HTR1F: variants seen among roughly 807,000 people sequenced by gnomAD.
HTR1F encodes the protein 5-hydroxytryptamine (serotonin) receptor 1F, G protein-coupled.
A neutral mutation model predicts 24.0 loss-of-function variants in HTR1F; 17 were observed. The ratio of observed to expected loss-of-function variants is 0.71; its 90% CI spans 0.48 to 1.06. HTR1F has a LOEUF of 1.06. Among genes scored for constraint, HTR1F ranks in the 50% least tolerant of loss-of-function variants. The probability of loss-of-function intolerance (pLI) is 0.00; values close to 1 mark genes in which losing one functional copy is unlikely to be tolerated. For missense variants in HTR1F, 391 were observed against 427.8 expected, an observed-to-expected ratio of 0.91 and a Z score of 0.76; for synonymous variants, 186 against 156.8, an observed-to-expected ratio of 1.19 and a Z score of -1.39.
chr3:87,898,600 G>T (rs970995045), intron 2 of HTR1F, among the ~76,000 whole-genome samples: 37 of 152,058 alleles, frequency 2.4e-4, no homozygotes, highest in African/African-American at 8.9e-4. Context: ...TATGAAAGAT[G>T]AATTTATTTT....
At chr3:87,823,400 C>T (rs1341927642) in intron 2 of HTR1F, among the ~76,000 whole-genome samples, 1 of 152,120 alleles carries the variant, frequency 6.6e-6, no homozygotes, top group Non-Finnish European at 1.5e-5. Flanking sequence ...AAGTCTACTT[C>T]GTAGTTCATC....
At chr3:87,801,927 G>C (rs1703995215) in intron 1 of HTR1F, among the ~76,000 whole-genome samples, 1 of 152,046 alleles carries the variant, frequency 6.6e-6, no homozygotes, top group Non-Finnish European at 1.5e-5. Flanking sequence ...TTAATACTTT[G>C]TTTTTAAGTC....
chr3:87,849,623 T>G (rs1575942765), intron 2 of HTR1F, among the ~76,000 whole-genome samples: 2 of 151,796 alleles, frequency 1.3e-5, no homozygotes, highest in South Asian at 4.1e-4. Context: ...CTAATTAAAC[T>G]AAAGAGCTTC....
chr3:87,895,286 C>A (rs541922020), intron 2 of HTR1F, among the ~76,000 whole-genome samples: 9 of 152,094 alleles, frequency 5.9e-5, no homozygotes, highest in African/African-American at 1.9e-4. Context: ...AGATTAAATA[C>A]ACATTTAATA....
intron 2 of HTR1F, among the ~76,000 whole-genome samples, chr3:87,943,542 C>A (rs1238760363): frequency 7.1e-6 from 1 of 141,658 alleles, no homozygotes; most frequent in African/African-American, 2.7e-5. Context: ...CTTTTTGGAC[C>A]ATTTGGGTTG....
At chr3:87,966,367 T>A (rs1576098481) in intron 2 of HTR1F, among the ~76,000 whole-genome samples, 1 of 152,186 alleles carries the variant, frequency 6.6e-6, no homozygotes, top group East Asian at 1.9e-4. Flanking sequence ...CAGAAAGATA[T>A]CAGAACTGTT....
intron 2 of HTR1F, among the ~76,000 whole-genome samples, chr3:87,859,820 C>T (rs1447496216): frequency 6.6e-6 from 1 of 152,184 alleles, no homozygotes. Context: ...CAAGTTCAGT[C>T]TCCTTTCAGG....
intron 2 of HTR1F, among the ~76,000 whole-genome samples, chr3:87,846,725 G>A (rs1445179972): frequency 6.6e-6 from 1 of 151,858 alleles, no homozygotes; most frequent in African/African-American, 2.4e-5. Context: ...CTTCTGTTGA[G>A]AATAAAGTTT....
chr3:87,984,421 T>C (rs1221222199), intron 2 of HTR1F, among the ~76,000 whole-genome samples: 1 of 151,088 alleles, frequency 6.6e-6, no homozygotes, highest in African/African-American at 2.4e-5. Flanking sequence ...TAGATTTTTC[T>C]TGGTGGTGGT....
At chr3:87,958,557 G>T (rs547812257) in intron 2 of HTR1F, among the ~76,000 whole-genome samples, 64 of 151,612 alleles carry the variant, frequency 4.2e-4, no homozygotes, top group African/African-American at 1.5e-3. Flanking sequence ...GTTTACTCAG[G>T]AAGCTAACCT....
At chr3:87,959,864 C>A (rs2107476581) in intron 2 of HTR1F, among the ~76,000 whole-genome samples, 1 of 150,794 alleles carries the variant, frequency 6.6e-6, no homozygotes, top group South Asian at 2.1e-4. Flanking sequence ...AACAGGTTCT[C>A]CAAATGAATA....
intron 1 of HTR1F, among the ~76,000 whole-genome samples, chr3:87,816,584 C>T (rs988571862): frequency 3.3e-5 from 5 of 152,006 alleles, no homozygotes; most frequent in African/African-American, 1.2e-4. Flanking sequence ...TTAAAATCTA[C>T]CTAGAGTGTC....
intron 2 of HTR1F, among the ~76,000 whole-genome samples, chr3:87,893,375 A>C (rs1559621571): frequency 6.6e-6 from 1 of 152,206 alleles, no homozygotes; most frequent in South Asian, 2.1e-4. Context: ...TTATGTGCTT[A>C]ATTTACAATG....
intron 2 of HTR1F, among the ~76,000 whole-genome samples, chr3:87,836,576 C>T (rs1170276848): frequency 6.6e-6 from 1 of 152,020 alleles, no homozygotes; most frequent in African/African-American, 2.4e-5. Flanking sequence ...CATTAGTTTG[C>T]AATTTATTAA....
intron 2 of HTR1F, among the ~76,000 whole-genome samples, chr3:87,987,180 C>T (rs1705681439): frequency 1.3e-5 from 2 of 151,854 alleles, no homozygotes; most frequent in Admixed American, 1.3e-4. Context: ...AAGGAATTAA[C>T]CCATTAAGAA....
chr3:87,814,136 A>G (rs1376313161), intron 1 of HTR1F, among the ~76,000 whole-genome samples: 1 of 152,172 alleles, frequency 6.6e-6, no homozygotes, highest in Non-Finnish European at 1.5e-5. Context: ...GTAATGAATG[A>G]CGCAATGTGG....
chr3:87,935,930 A>G (rs1704404341), intron 2 of HTR1F, among the ~76,000 whole-genome samples: 2 of 151,868 alleles, frequency 1.3e-5, no homozygotes, highest in Non-Finnish European at 2.9e-5. Context: ...GGCTCACTGC[A>G]ACCTCCACCT....
chr3:87,896,415 A>G (rs992074132), intron 2 of HTR1F, among the ~76,000 whole-genome samples: 2 of 152,214 alleles, frequency 1.3e-5, no homozygotes, highest in Non-Finnish European at 2.9e-5. Context: ...ATGTTGCCCA[A>G]GATAGAACAT....
At chr3:87,861,552 C>T (rs574601298) in intron 2 of HTR1F, among the ~76,000 whole-genome samples, 6 of 152,218 alleles carry the variant, frequency 3.9e-5, no homozygotes, top group African/African-American at 7.2e-5. Flanking sequence ...AGAATAGACA[C>T]ACAAGCCATT....
Sources: gnomAD v4.1 joint callset for allele counts (sites outside exome capture counted in the v4.1 genomes callset) on GRCh38, gnomAD v4.1.1 for gene constraint, MANE v1.5 for transcripts, NCBI Gene and HGNC (gene_info 2026-07-23, HGNC 2026-07-21) for gene names.